The following CDH12 variants were observed in gnomAD, a reference collection of about 807,000 sequenced individuals.
The protein encoded by CDH12 is cadherin-12.
Under a neutral mutation model 74.1 loss-of-function variants are expected in CDH12, and 41 were observed. The ratio of observed to expected loss-of-function variants is 0.55; its 90% confidence interval spans 0.43 to 0.72. CDH12 has a LOEUF of 0.72. Ranked by LOEUF, CDH12 falls within the 30% of genes least tolerant of loss-of-function variation. CDH12 has a pLI of 0.00. For synonymous variants in CDH12, 399 were observed against 355.0 expected (o/e 1.12, Z -1.39); for missense variants, 945 against 977.2 (o/e 0.97, Z 0.44).
intron 7 of CDH12, among the ~76,000 whole-genome samples, chr5:21,847,062 G>C (rs112814202): frequency 1.3e-5 from 2 of 152,036 alleles, no homozygotes; most frequent in African/African-American, 2.4e-5. Context: ...AGGTTGGAGC[G>C]TAAGCCAGGT....
chr5:22,819,489 G>A (rs554256362), intron 1 of CDH12, among the ~76,000 whole-genome samples: 1 of 152,062 alleles, frequency 6.6e-6, no homozygotes, highest in East Asian at 1.9e-4. Context: ...AAAATATTCT[G>A]GGCTACAACT....
At chr5:21,901,927 T>C (rs1219270627) in intron 6 of CDH12, among the ~76,000 whole-genome samples, 1 of 152,150 alleles carries the variant, frequency 6.6e-6, no homozygotes. Flanking sequence ...TAACAGATAC[T>C]CTATGATAAA....
At chr5:22,562,774 A>G (rs1192515639) in intron 1 of CDH12, among the ~76,000 whole-genome samples, 3 of 151,398 alleles carry the variant, frequency 2.0e-5, no homozygotes, top group African/African-American at 7.3e-5. Context: ...AGAAAGAGAG[A>G]CAAAACAGAA....
At chr5:22,259,275 G>T (rs562740890) in intron 3 of CDH12, among the ~76,000 whole-genome samples, 1 of 151,934 alleles carries the variant, frequency 6.6e-6, no homozygotes, top group South Asian at 2.1e-4. Flanking sequence ...ATATATGAAC[G>T]TTCCACATAG....
intron 5 of CDH12, among the ~76,000 whole-genome samples, chr5:22,044,481 G>A (rs1269185151): frequency 1.3e-5 from 2 of 152,206 alleles, no homozygotes; most frequent in East Asian, 3.9e-4. Context: ...ATTAGATAGA[G>A]TGAGAACTCA....
At chr5:22,097,099 C>T (rs537483083) in intron 4 of CDH12, among the ~76,000 whole-genome samples, 29 of 152,322 alleles carry the variant, frequency 1.9e-4, no homozygotes, top group African/African-American at 6.5e-4. Flanking sequence ...AGAACCTCCT[C>T]CCTCAGGAGC....
intron 1 of CDH12, among the ~76,000 whole-genome samples, chr5:22,765,066 A>G (rs1331857460): frequency 6.6e-6 from 1 of 151,972 alleles, no homozygotes; most frequent in Non-Finnish European, 1.5e-5. Flanking sequence ...ATCCATGTCA[A>G]TCAAAACTTG....
intron 6 of CDH12, chr5:21,883,851 G>A: frequency 3.2e-5 from 51 of 1,606,552 alleles, no homozygotes; most frequent in Non-Finnish European, 4.3e-5. Context: ...GAAAGACAGA[G>A]TTACAGATGC....
intron 4 of CDH12, among the ~76,000 whole-genome samples, chr5:22,129,800 G>A (rs1235550149): frequency 6.6e-6 from 1 of 151,972 alleles, no homozygotes; most frequent in Non-Finnish European, 1.5e-5. Context: ...CAGTGTGTAG[G>A]ATGAATTACA....
intron 1 of CDH12, among the ~76,000 whole-genome samples, chr5:22,762,563 A>G (rs990976439): frequency 6.6e-6 from 1 of 152,054 alleles, no homozygotes; most frequent in Non-Finnish European, 1.5e-5. Context: ...ACAGTCATTT[A>G]TAACCTTGAA....
chr5:22,577,878 T>C (rs1463107573), intron 1 of CDH12, among the ~76,000 whole-genome samples: 1 of 152,198 alleles, frequency 6.6e-6, no homozygotes, highest in African/African-American at 2.4e-5. Flanking sequence ...TGCCTCACTA[T>C]CTAAAAGGAA....
intron 1 of CDH12, among the ~76,000 whole-genome samples, chr5:22,806,344 T>G (rs1326821008): frequency 6.6e-6 from 1 of 150,814 alleles, no homozygotes; most frequent in Non-Finnish European, 1.5e-5. Flanking sequence ...TTATAATGAT[T>G]GCCATTCTTT....
chr5:21,820,851 G>A (rs141899394), intron 8 of CDH12, among the ~76,000 whole-genome samples: 143 of 151,998 alleles, frequency 9.4e-4, no homozygotes, highest in African/African-American at 3.2e-3. Flanking sequence ...TCTTCCAGGC[G>A]TCCTACTTTT....
Position 21,764,981 on chromosome 5 carries a change from T to C in CDH12, c.1512A>G (p.Gly504=). 1.9e-6 allele frequency: 3 copies of C among 1,613,772 alleles called. No individual in the cohort carries two copies. The highest frequency in any genetic ancestry group is 2.5e-6 in the Non-Finnish European group (3 of 1,179,800). Residue 504 remains glycine, a synonymous_variant, in exon 12 of 15, where the codon GGA becomes GGG. Transcript: ENST00000382254. ...AGGAACAATATTTATAAGATACCTG[T>C]CCTGGCTTGGCATTTTCACACACGG... is the stretch of plus-strand genomic sequence containing the variant. ...ETAVCENAKP[G]QIIQIVSAAD...
chr5:22,803,253 C>T (rs1331778193), intron 1 of CDH12, among the ~76,000 whole-genome samples: 3 of 152,132 alleles, frequency 2.0e-5, no homozygotes, highest in Non-Finnish European at 2.9e-5. Flanking sequence ...AATCAAGAAA[C>T]ATTTTTGCAA....
intron 1 of CDH12, among the ~76,000 whole-genome samples, chr5:22,531,239 A>T (rs1286687891): frequency 1.3e-5 from 2 of 152,158 alleles, no homozygotes; most frequent in Non-Finnish European, 2.9e-5. Context: ...TTTTGGGGGA[A>T]GTCAGGCATG....
At chr5:22,343,014 C>T (rs1330459774) in intron 3 of CDH12, among the ~76,000 whole-genome samples, 1 of 151,900 alleles carries the variant, frequency 6.6e-6, no homozygotes, top group East Asian at 1.9e-4. Context: ...ACCATCATGC[C>T]TGGCTAATTT....
intron 3 of CDH12, among the ~76,000 whole-genome samples, chr5:22,292,634 A>C (rs897130507): frequency 2.0e-5 from 3 of 151,742 alleles, no homozygotes; most frequent in Admixed American, 1.3e-4. Flanking sequence ...ACACACACAC[A>C]CACACACACA....
At chr5:22,583,647 A>G (rs185790076) in intron 1 of CDH12, among the ~76,000 whole-genome samples, 397 of 152,340 alleles carry the variant, frequency 2.6e-3, no homozygotes, top group African/African-American at 7.6e-3. Context: ...AAGTCAGAAC[A>G]AAAAGGAACA....
Sources: allele counts gnomAD v4.1 joint callset (sites outside exome capture counted in the v4.1 genomes callset), GRCh38; gene constraint gnomAD v4.1.1; transcripts MANE v1.5; gene names NCBI Gene and HGNC (gene_info 2026-07-23, HGNC 2026-07-21).